SLC4A10: variants seen among roughly 807,000 people sequenced by gnomAD.
The protein encoded by SLC4A10 is sodium-driven chloride bicarbonate exchanger.
Under a neutral mutation model 137.7 loss-of-function variants are expected in SLC4A10, and 42 were observed. The ratio of observed to expected loss-of-function variants is 0.30; its 90% CI spans 0.24 to 0.39. The LOEUF (loss-of-function observed/expected upper bound fraction) is 0.39. Ranked by LOEUF, SLC4A10 falls within the 10% of genes least tolerant of loss-of-function variation. The probability of loss-of-function intolerance (pLI) is 1.00; values close to 1 mark genes in which losing one functional copy is unlikely to be tolerated. For synonymous variants in SLC4A10, 474 were observed against 464.1 expected (o/e 1.02, Z -0.27); for missense variants, 925 against 1,355.0 (o/e 0.68, Z 4.98).
chr2:161,765,988 G>A (rs2050759923), intron 1 of SLC4A10, among the ~76,000 whole-genome samples: 1 of 152,076 alleles, frequency 6.6e-6, no homozygotes, highest in Admixed American at 6.6e-5. Context: ...TGTAACAAAA[G>A]TAGAGGACTT....
chr2:161,697,200 A>G (rs2042607838), intron 1 of SLC4A10, among the ~76,000 whole-genome samples: 1 of 151,792 alleles, frequency 6.6e-6, no homozygotes, highest in South Asian at 2.1e-4. Context: ...TAGATTCTGG[A>G]TATTAGCCTT....
At chr2:161,672,570 TCTTA>T (rs1284185947) in intron 1 of SLC4A10, among the ~76,000 whole-genome samples, 6 of 152,090 alleles carry the variant, frequency 3.9e-5, no homozygotes. Context: ...TATATCTTTG[TCTTA>T]CTGATTTTCT....
At chr2:161,658,596 C>CTTTTTTTT (rs35686377) in intron 1 of SLC4A10, among the ~76,000 whole-genome samples, 2 of 128,402 alleles carry the variant, frequency 1.6e-5, no homozygotes, top group Non-Finnish European at 3.2e-5. Context: ...AAATAGTTTC[C>CTTTTTTTT]TTTTTTTTTT....
chr2:161,774,080 A>T (rs1334664334), intron 2 of SLC4A10, among the ~76,000 whole-genome samples: 1 of 151,712 alleles, frequency 6.6e-6, no homozygotes, highest in Non-Finnish European at 1.5e-5. Context: ...TTCTAAGCCT[A>T]CTTCTGTTTC....
At chr2:161,720,824 C>CTTTTTTTTTT (rs375436761) in intron 1 of SLC4A10, among the ~76,000 whole-genome samples, 1 of 145,232 alleles carries the variant, frequency 6.9e-6, no homozygotes. Flanking sequence ...AGTCTTGACT[C>CTTTTTTTTTT]TTTTTTTTTT....
At chr2:161,913,701 A>T (rs1686409642) in intron 15 of SLC4A10, among the ~76,000 whole-genome samples, 1 of 151,382 alleles carries the variant, frequency 6.6e-6, no homozygotes, top group Non-Finnish European at 1.5e-5. Flanking sequence ...TATAGTGAAG[A>T]GTAGAACCCT....
chr2:161,974,821 A>C (rs574548141), intron 24 of SLC4A10, among the ~76,000 whole-genome samples: 14 of 152,334 alleles, frequency 9.2e-5, no homozygotes, highest in Non-Finnish European at 1.9e-4. Context: ...ATGTACAAAG[A>C]CATAGCAAAA....
intron 9 of SLC4A10, 135 bp from the exon 10 acceptor site, chr2:161,882,222 A>C: frequency 1.8e-6 from 1 of 549,138 alleles, no homozygotes; most frequent in South Asian, 3.3e-5. Context: ...AATAATAATG[A>C]ACTATGAAAA....
chr2:161,878,372 A>G (rs537107079), intron 8 of SLC4A10, among the ~76,000 whole-genome samples: 1 of 152,104 alleles, frequency 6.6e-6, no homozygotes, highest in African/African-American at 2.4e-5. Context: ...ATAAAAATTG[A>G]TATTTATTGT....
intron 23 of SLC4A10, among the ~76,000 whole-genome samples, chr2:161,971,364 T>C (rs1698501152): frequency 6.6e-6 from 1 of 152,218 alleles, no homozygotes. Context: ...AATCATAGCA[T>C]AAACGTCCCT....
intron 23 of SLC4A10, among the ~76,000 whole-genome samples, chr2:161,971,430 C>G (rs1395062269): frequency 6.6e-6 from 1 of 152,196 alleles, no homozygotes; most frequent in Non-Finnish European, 1.5e-5. Context: ...ATTATTCTAC[C>G]TTTCATCATC....
chr2:161,759,731 G>T (rs1189829595), intron 1 of SLC4A10, among the ~76,000 whole-genome samples: 3 of 151,806 alleles, frequency 2.0e-5, no homozygotes, highest in Non-Finnish European at 4.4e-5. Context: ...AGTTGTATTA[G>T]TTTCTTATAT....
intron 1 of SLC4A10, among the ~76,000 whole-genome samples, chr2:161,752,054 G>C (rs979230355): frequency 5.3e-5 from 8 of 151,690 alleles, no homozygotes; most frequent in Non-Finnish European, 1.2e-4. Flanking sequence ...AACCTTTTTT[G>C]CTGCTAAAGA....
intron 1 of SLC4A10, among the ~76,000 whole-genome samples, chr2:161,627,741 T>C (rs566596141): frequency 1.3e-5 from 2 of 152,138 alleles, no homozygotes; most frequent in African/African-American, 4.8e-5. Context: ...TTCACTCTTG[T>C]TGGCTAAGTG....
chr2:161,898,099 C>G (rs192007054), intron 11 of SLC4A10, among the ~76,000 whole-genome samples: 11 of 152,182 alleles, frequency 7.2e-5, no homozygotes, highest in African/African-American at 2.6e-4. Flanking sequence ...CATCCGAGTT[C>G]TGCAATTATC....
chr2:161,658,226 CCTTA>C (rs1354094478), intron 1 of SLC4A10, among the ~76,000 whole-genome samples: 4 of 152,110 alleles, frequency 2.6e-5, no homozygotes, highest in Non-Finnish European at 5.9e-5. Context: ...TAGCCTGAAT[CCTTA>C]CTTTTTAGAT....
chr2:161,734,651 CA>C (rs1382491612), intron 1 of SLC4A10, among the ~76,000 whole-genome samples: 1 of 152,048 alleles, frequency 6.6e-6, no homozygotes, highest in Non-Finnish European at 1.5e-5. Flanking sequence ...AAACGAGACA[CA>C]ATTAGTTTTA....
At chr2:161,938,491 TTATTATAGATTA>T (rs1692002501) in intron 15 of SLC4A10, among the ~76,000 whole-genome samples, 1 of 151,072 alleles carries the variant, frequency 6.6e-6, no homozygotes, top group East Asian at 1.9e-4. Flanking sequence ...TAGATTATTA[TTATTATAGATTA>T]TATTATAGAT....
chr2:161,799,409 A>G (rs1212741157), intron 2 of SLC4A10, among the ~76,000 whole-genome samples: 2 of 151,932 alleles, frequency 1.3e-5, no homozygotes, highest in South Asian at 2.1e-4. Context: ...TGATGGTAAT[A>G]TTAATCTGGA....
Sources: allele counts gnomAD v4.1 joint callset (sites outside exome capture counted in the v4.1 genomes callset), GRCh38; gene constraint gnomAD v4.1.1; transcripts MANE v1.5; gene names NCBI Gene and HGNC (gene_info 2026-07-23, HGNC 2026-07-21).